NOTCH2NLA: variants seen among roughly 807,000 people sequenced by gnomAD.
The protein encoded by NOTCH2NLA is notch homolog 2 N-terminal-like protein A.
At chr1:146,228,485 C>CGGCGGGGAACCCCGGAGGTT (rs1553820302) in intron 1 of NOTCH2NLA, 1 of 568,756 alleles carries the variant, frequency 1.8e-6, no homozygotes. Context: ...GGAGCAGAGG[C>CGGCGGGGAACCCCGGAGGTT]GGCGGGGAAC....
At chr1:146,219,517 C>T (rs1399848158) in intron 1 of NOTCH2NLA, among the ~76,000 whole-genome samples, 1 of 100,796 alleles carries the variant, frequency 9.9e-6, no homozygotes. Flanking sequence ...AGACAAAAGA[C>T]TAACACCCTT....
chr1:146,185,877 T>A (rs1662734396), intron 2 of NOTCH2NLA, among the ~76,000 whole-genome samples: 1 of 136,846 alleles, frequency 7.3e-6, no homozygotes, highest in Non-Finnish European at 1.7e-5. Context: ...TTTTAATATT[T>A]ATTTTCTATT....
At chr1:146,186,599 A>G in intron 2 of NOTCH2NLA, among the ~76,000 whole-genome samples, 3 of 128,820 alleles carry the variant, frequency 2.3e-5, no homozygotes, top group Non-Finnish European at 3.6e-5. Context: ...AGAGTATGAG[A>G]CTAGCAGCCC....
In NOTCH2NLA at chr1:146,228,815, G is replaced by GCC. The variant is rs1664355359; in HGVS notation, c.-152_-151insGG. ...TCGCCTCCTCCGCCGCCGCCGCCGC[G>GCC]GCCGCCTGGGCAGATCCACATGGGG... On this transcript the variant is annotated 5_prime_UTR_variant, in exon 1 of 5. It removes the in-frame stop codon of an upstream open reading frame in the 5' UTR. Transcript: ENST00000362074. 4.3e-3 allele frequency: 6,575 copies of GCC among 1,522,606 alleles called. 97 individuals carry two copies. The highest frequency in any genetic ancestry group is 0.024 in the African/African-American group (1,700 of 69,616). The allele number at this position is 1,522,606 out of a possible 1,614,324, so 94.3% of individuals were successfully genotyped here. A position where few individuals can be genotyped will look rare whatever the true frequency, so the allele number is the denominator to read the frequency against.
At chr1:146,185,745 C>A (rs1195607284) in intron 2 of NOTCH2NLA, among the ~76,000 whole-genome samples, 1 of 131,508 alleles carries the variant, frequency 7.6e-6, no homozygotes, top group African/African-American at 2.5e-5. Context: ...CACTCACCCC[C>A]ACGCTGGCCC....
intron 3 of NOTCH2NLA, among the ~76,000 whole-genome samples, chr1:146,159,894 G>C (rs1227465477): frequency 6.7e-5 from 3 of 45,058 alleles, no homozygotes; most frequent in Non-Finnish European, 1.6e-4. Context: ...CGTGAACCCG[G>C]GAGGTGGAGC....
chr1:146,159,411 GAAAGAAAGAAAGA>G (rs1661359285), intron 3 of NOTCH2NLA, among the ~76,000 whole-genome samples: 2 of 146,120 alleles, frequency 1.4e-5, no homozygotes, highest in African/African-American at 5.1e-5. Context: ...AAGAAAGAAA[GAAAGAAAGAAAGA>G]AAGAAAGAAA....
In NOTCH2NLA at chr1:146,219,768, T is replaced by C. The variant is rs1353742964; in HGVS notation, c.-45+8941A>G. On this transcript the variant is annotated intron_variant, in intron 1 of 4. Transcript: ENST00000362074. ...ATAGTATATTATGTGTGTGTGCATATATATATATGTAGATCTGTTCATAAA... is the reference window on the plus strand; with the variant it reads ...ATAGTATATTATGTGTGTGTGCATACATATATATGTAGATCTGTTCATAAA... Among the ~76,000 whole-genome samples, 3 of 65,782 alleles carry C rather than the reference T, an allele frequency of 4.6e-5. 1 individual carries two copies. The highest frequency in any genetic ancestry group is 8.1e-5 in the Non-Finnish European group (3 of 37,254). 43.2% of individuals were successfully genotyped at this position (65,782 alleles called of 152,430 possible).
Position 146,174,570 on chromosome 1 carries a change from C to T in NOTCH2NLA, c.39-9560G>A, listed in dbSNP as rs200684296. Among the ~76,000 whole-genome samples the T allele has an allele frequency of 1.2e-4, 17 of 143,722 alleles. No homozygotes were observed. The South Asian group carries it at 3.3e-3, about 28-fold the overall frequency. 94.3% of individuals were successfully genotyped at this position (143,722 alleles called of 152,430 possible). On this transcript the variant is annotated intron_variant, in intron 2 of 4. Transcript: ENST00000362074. ...TAAAAAAACTATACAGAATGTGGAA[C>T]GAAGGGGAAAAAAAAGTCTCATGTG...
At chr1:146,157,456 CAA>C (rs59051402) in intron 3 of NOTCH2NLA, among the ~76,000 whole-genome samples, 1 of 122,500 alleles carries the variant, frequency 8.2e-6, no homozygotes. Context: ...GACTCCATTT[CAA>C]AAAAAAAAAA....
At chr1:146,180,933 C>T (rs1468255759) in intron 2 of NOTCH2NLA, among the ~76,000 whole-genome samples, 100 of 96,354 alleles carry the variant, frequency 1.0e-3, no homozygotes, top group Non-Finnish European at 3.7e-4. Flanking sequence ...CTCTCCATAT[C>T]CTGAAAGAGA....
At chr1:146,159,433 AAGAAAGAAAGAAAGAG>A (rs1661367292) in intron 3 of NOTCH2NLA, among the ~76,000 whole-genome samples, 2 of 149,548 alleles carry the variant, frequency 1.3e-5, no homozygotes, top group African/African-American at 2.5e-5. Context: ...GAAAGAAAGA[AAGAAAGAAAGAAAGAG>A]AAAGAAAGAA....
chr1:146,154,060 T>A (rs4649857), downstream of NOTCH2NLA: 2 of 73,270 alleles, frequency 2.7e-5, no homozygotes, highest in Admixed American at 2.6e-4. Context: ...CACACACACA[T>A]ATTGATATGT....
chr1:146,183,348 G>A lies in NOTCH2NLA; in HGVS notation c.38+5952C>T, dbSNP rs1297709861. Among the ~76,000 whole-genome samples, 5 of 139,984 alleles carry A rather than the reference G, an allele frequency of 3.6e-5. No homozygotes were observed. In the Admixed American group the frequency reaches 3.7e-4, roughly 10 times the overall value. The allele number at this position is 139,984 out of a possible 152,430, so 91.8% of individuals were successfully genotyped here. A position where few individuals can be genotyped will look rare whatever the true frequency, so the allele number is the denominator to read the frequency against. Reference sequence around the variant, plus strand: ...AGACTTGAGTTATCTATTATATGTGGTACGCATAAATAGCATGCAATAAAT... The same window carrying A: ...AGACTTGAGTTATCTATTATATGTGATACGCATAAATAGCATGCAATAAAT... On this transcript the variant is annotated intron_variant, in intron 2 of 4. Transcript: ENST00000362074.
Position 146,174,204 on chromosome 1 carries a change from C to CCACT in NOTCH2NLA, c.39-9198_39-9195dup, listed in dbSNP as rs1662138837. Among the ~76,000 whole-genome samples the CCACT allele has an allele frequency of 2.1e-5, 3 of 143,872 alleles. No individual in the cohort carries two copies. In the Admixed American group the frequency reaches 2.1e-4, roughly 10 times the overall value. 94.4% of individuals were successfully genotyped at this position (143,872 alleles called of 152,430 possible). On this transcript the variant is annotated intron_variant, in intron 2 of 4. Transcript: ENST00000362074. ...TCTTTCACGTTTCCTAAGTGAATAG[C>CCACT]CACTCGTCTACAGAAAAGCTTAAAA... is the stretch of plus-strand genomic sequence containing the variant.
intron 3 of NOTCH2NLA, among the ~76,000 whole-genome samples, chr1:146,157,283 CCT>C (rs1367021667): frequency 6.6e-5 from 10 of 150,670 alleles, no homozygotes; most frequent in African/African-American, 2.2e-4. Context: ...ATGGTGAAAC[CCT>C]GTCTCTACTA....
intron 2 of NOTCH2NLA, among the ~76,000 whole-genome samples, chr1:146,178,194 G>A (rs1662359357): frequency 7.2e-6 from 1 of 139,012 alleles, no homozygotes. Context: ...CAACATGAGA[G>A]CCTGTTTTCT....
chr1:146,158,187 T>A (rs1156625229), intron 3 of NOTCH2NLA, among the ~76,000 whole-genome samples: 6 of 151,374 alleles, frequency 4.0e-5, no homozygotes, highest in Non-Finnish European at 5.9e-5. Flanking sequence ...TTATTATACT[T>A]TAAGTTCTAG....
At chr1:146,210,606 C>T (rs1303966873) in intron 1 of NOTCH2NLA, among the ~76,000 whole-genome samples, 1 of 103,142 alleles carries the variant, frequency 9.7e-6, no homozygotes, top group Non-Finnish European at 1.9e-5. Context: ...CCTCCCAACA[C>T]ACACACACAC....
Sources: gnomAD v4.1 joint callset for allele counts (sites outside exome capture counted in the v4.1 genomes callset) on GRCh38, gnomAD v4.1.1 for gene constraint, MANE v1.5 for transcripts, NCBI Gene and HGNC (gene_info 2026-07-23, HGNC 2026-07-21) for gene names.